The following COMMD10 variants were observed in gnomAD, a reference collection of about 807,000 sequenced individuals.
The protein encoded by COMMD10 is COMM domain containing 10, also known as COMM domain-containing protein 10.
A neutral mutation model predicts 28.9 loss-of-function variants in COMMD10; 33 were observed. That is an observed-to-expected ratio of 1.14 (90% CI 0.87 to 1.53). COMMD10 has a LOEUF of 1.53. Ranked by LOEUF, COMMD10 falls within the 40% of genes most tolerant of loss-of-function variation. The pLI is 0.00. For synonymous variants in COMMD10, 110 were observed against 81.7 expected (o/e 1.35, Z -1.87); for missense variants, 310 against 233.4 (o/e 1.33, Z -2.14).
chr5:116,287,606 C>T (rs900629832), intron 5 of COMMD10, among the ~76,000 whole-genome samples: 1 of 151,496 alleles, frequency 6.6e-6, no homozygotes, highest in African/African-American at 2.4e-5. Context: ...GGACTTATTG[C>T]CGTTTTGTTA....
At chr5:116,249,681 A>G (rs1750054310) in intron 5 of COMMD10, among the ~76,000 whole-genome samples, 2 of 151,928 alleles carry the variant, frequency 1.3e-5, no homozygotes, top group South Asian at 4.1e-4. Flanking sequence ...AATAAACTAT[A>G]TTGTAGTTTA....
chr5:116,118,190 A>T (rs897393204), intron 4 of COMMD10, among the ~76,000 whole-genome samples: 4 of 152,182 alleles, frequency 2.6e-5, no homozygotes, highest in Admixed American at 2.6e-4. Context: ...CACATTTGTC[A>T]GTGAATCTTT....
chr5:116,121,019 C>T (rs755040035), intron 4 of COMMD10, among the ~76,000 whole-genome samples: 2 of 152,020 alleles, frequency 1.3e-5, no homozygotes, highest in Non-Finnish European at 2.9e-5. Context: ...TTCTAGGATA[C>T]ATATGCACAA....
intron 5 of COMMD10, among the ~76,000 whole-genome samples, chr5:116,210,482 G>A (rs777797708): frequency 6.6e-6 from 1 of 151,986 alleles, no homozygotes. Context: ...TACAATCTAA[G>A]TAATATTATA....
At chr5:116,288,119 T>C (rs570259054) in intron 5 of COMMD10, among the ~76,000 whole-genome samples, 5 of 152,018 alleles carry the variant, frequency 3.3e-5, no homozygotes, top group South Asian at 2.1e-4. Context: ...AGATTAGCTC[T>C]AGGTGATGAA....
At position 116,290,719 on chromosome 5, in the gene COMMD10, T is replaced by A. The variant is rs1437677871; in HGVS notation, c.511-798T>A. ...CAGTTAGCATATTCTTGGCATTTTC[T>A]CCTCATTAACTTTCACTTCTTCAGA... On this transcript the variant is annotated intron_variant, in intron 5 of 6. Coordinates refer to ENST00000274458, the MANE Select transcript of COMMD10 (RefSeq NM_016144.4). Among the ~76,000 whole-genome samples the A allele has an allele frequency of 2.0e-5, 3 of 152,006 alleles. No homozygotes were observed. In the East Asian group the frequency reaches 5.8e-4, roughly 29 times the overall value.
At chr5:116,255,433 G>T (rs1750254928) in intron 5 of COMMD10, among the ~76,000 whole-genome samples, 1 of 151,614 alleles carries the variant, frequency 6.6e-6, no homozygotes, top group African/African-American at 2.4e-5. Flanking sequence ...GCAGCGGCTG[G>T]TACTGGTTGT....
rs578035657 is a variant in COMMD10, at chr5:116,276,318, T to C, written c.511-15199T>C. Among the ~76,000 whole-genome samples the C allele has an allele frequency of 1.9e-4, 29 of 151,928 alleles. 1 individual carries two copies. Among genetic ancestry groups the C allele is most frequent in the African/African-American group, 5.6e-4 (23 of 41,254 alleles). ...CCCAGGCTGTAGTGCAATGGCACTATCTCAACTTACTGTAACCTCCACCTC... is the reference window on the plus strand; with the variant it reads ...CCCAGGCTGTAGTGCAATGGCACTACCTCAACTTACTGTAACCTCCACCTC... On this transcript the variant is annotated intron_variant, in intron 5 of 6. Coordinates refer to ENST00000274458, the MANE Select transcript of COMMD10 (RefSeq NM_016144.4).
intron 5 of COMMD10, among the ~76,000 whole-genome samples, chr5:116,205,276 T>G (rs1748782996): frequency 6.6e-6 from 1 of 152,246 alleles, no homozygotes; most frequent in African/African-American, 2.4e-5. Context: ...TTTCTGACCA[T>G]TATACGATTT....
At chr5:116,262,230 C>T (rs1561398065) in intron 5 of COMMD10, among the ~76,000 whole-genome samples, 1 of 151,594 alleles carries the variant, frequency 6.6e-6, no homozygotes, top group Non-Finnish European at 1.5e-5. Context: ...TTGCCCTACA[C>T]TTACCTGGTT....
chr5:116,257,082 G>A (rs1004788154), intron 5 of COMMD10, among the ~76,000 whole-genome samples: 29 of 151,680 alleles, frequency 1.9e-4, no homozygotes, highest in African/African-American at 7.0e-4. Context: ...TTTTTTTTAG[G>A]TAAGAAGAAA....
At chr5:116,290,610 G>A (rs905038543) in intron 5 of COMMD10, among the ~76,000 whole-genome samples, 17 of 151,888 alleles carry the variant, frequency 1.1e-4, no homozygotes, top group African/African-American at 2.7e-4. Flanking sequence ...AAATGACCAT[G>A]TGGCTCAATT....
At chr5:116,128,750 C>T (rs967966584) in intron 4 of COMMD10, among the ~76,000 whole-genome samples, 1 of 151,886 alleles carries the variant, frequency 6.6e-6, no homozygotes, top group Non-Finnish European at 1.5e-5. Flanking sequence ...ATTATTTATT[C>T]CCTTTGCTTT....
At chr5:116,144,321 C>T (rs1752277862) in intron 5 of COMMD10, among the ~76,000 whole-genome samples, 1 of 151,760 alleles carries the variant, frequency 6.6e-6, no homozygotes, top group African/African-American at 2.4e-5. Context: ...TCACATGTTG[C>T]TACTAAGTAA....
chr5:116,178,960 G>T (rs1311958338), intron 5 of COMMD10, among the ~76,000 whole-genome samples: 1 of 152,040 alleles, frequency 6.6e-6, no homozygotes, highest in East Asian at 1.9e-4. Flanking sequence ...CAGAGGCTTA[G>T]GGATTTCAGA....
intron 5 of COMMD10, among the ~76,000 whole-genome samples, chr5:116,281,552 G>A (rs1005921784): frequency 2.0e-5 from 3 of 151,574 alleles, no homozygotes; most frequent in Non-Finnish European, 2.9e-5. Context: ...GATCAGCATA[G>A]ACAATATAAG....
chr5:116,168,793 C>T (rs568561236), intron 5 of COMMD10, among the ~76,000 whole-genome samples: 4 of 152,110 alleles, frequency 2.6e-5, no homozygotes, highest in Non-Finnish European at 5.9e-5. Flanking sequence ...AGAACAAAGA[C>T]ACAATGTACC....
At chr5:116,255,972 C>A (rs531489281) in intron 5 of COMMD10, 1 of 151,576 alleles carries the variant, frequency 6.6e-6, no homozygotes, top group Non-Finnish European at 1.5e-5. Flanking sequence ...TAATTTTTCT[C>A]ATTTCCTTAA....
At chr5:116,233,010 T>C (rs1195902493) in intron 5 of COMMD10, among the ~76,000 whole-genome samples, 3 of 152,144 alleles carry the variant, frequency 2.0e-5, no homozygotes, top group Non-Finnish European at 2.9e-5. Context: ...CTGAATAAAA[T>C]GTGGAGCACG....
Sources: allele counts gnomAD v4.1 joint callset (sites outside exome capture counted in the v4.1 genomes callset), GRCh38; gene constraint gnomAD v4.1.1; transcripts MANE v1.5; gene names NCBI Gene and HGNC (gene_info 2026-07-23, HGNC 2026-07-21).